The following DPY19L2 variants were observed in gnomAD, a reference collection of about 807,000 sequenced individuals.
The protein encoded by DPY19L2 is dpy-19 like 2, also known as probable C-mannosyltransferase DPY19L2.
A neutral mutation model predicts 97.9 loss-of-function variants in DPY19L2; 34 were observed. The ratio of observed to expected loss-of-function variants is 0.35; its 90% CI spans 0.26 to 0.46. DPY19L2 has a LOEUF of 0.46. DPY19L2 is among the 20% of genes least tolerant of loss of function. The pLI is 1.00. For synonymous variants in DPY19L2, 230 were observed against 307.9 expected (o/e 0.75, Z 2.65); for missense variants, 623 against 911.4 (o/e 0.68, Z 4.07).
intron 13 of DPY19L2, among the ~76,000 whole-genome samples, chr12:63,598,645 G>T (rs1454361367): frequency 6.6e-6 from 1 of 152,088 alleles, no homozygotes; most frequent in Non-Finnish European, 1.5e-5. Flanking sequence ...TATAGTGACA[G>T]AAATTATTTT....
intron 12 of DPY19L2, among the ~76,000 whole-genome samples, chr12:63,602,594 T>C (rs962226583): frequency 6.6e-6 from 1 of 152,064 alleles, no homozygotes; most frequent in Non-Finnish European, 1.5e-5. Context: ...GTAAACTAAC[T>C]CAAGGCATCT....
intron 4 of DPY19L2, among the ~76,000 whole-genome samples, chr12:63,648,240 A>G (rs1443796449): frequency 6.6e-6 from 1 of 152,190 alleles, no homozygotes; most frequent in East Asian, 1.9e-4. Flanking sequence ...CTTAGACTCC[A>G]GAATTGTGAG....
At chr12:63,603,591 A>G (rs916096303) in intron 12 of DPY19L2, among the ~76,000 whole-genome samples, 3 of 151,966 alleles carry the variant, frequency 2.0e-5, no homozygotes, top group African/African-American at 7.3e-5. Flanking sequence ...CTCACTGTTC[A>G]GCTCCCACTT....
intron 16 of DPY19L2, among the ~76,000 whole-genome samples, chr12:63,589,357 CAAAAAAAAAAAA>C (rs71086687): frequency 0.083 from 1,547 of 18,700 alleles, 11 homozygotes; most frequent in South Asian, 0.12. Flanking sequence ...AAATGTGTTG[CAAAAAAAAAAAA>C]AAAAAAAAAA....
intron 6 of DPY19L2, among the ~76,000 whole-genome samples, chr12:63,635,626 A>G (rs961405726): frequency 6.6e-6 from 1 of 152,186 alleles, no homozygotes; most frequent in Non-Finnish European, 1.5e-5. Flanking sequence ...AGGCATGAGA[A>G]CTATGTGACG....
chr12:63,617,294 A>C lies in DPY19L2; in HGVS notation c.1218+10T>G, dbSNP rs12312607. On this transcript the variant is annotated intron_variant, in intron 11 of 21. Transcript: ENST00000324472. ...TTAAAAAAAACCAACTTTATGAACT[A>C]AACACTTACCCACGTCATTAACAAA... The C allele has an allele frequency of 1.0e-4, 160 of 1,580,196 alleles. No homozygotes were observed. In the African/African-American group the frequency reaches 2.0e-3, roughly 20 times the overall value.
At chr12:63,663,619 A>G in intron 3 of DPY19L2, 139 bp downstream of exon 3, 1 of 679,726 alleles carries the variant, frequency 1.5e-6, no homozygotes, top group East Asian at 3.2e-5. Context: ...ACACTTTACT[A>G]TTTAAATAAT....
chr12:63,605,719 T>C (rs1885924303), intron 12 of DPY19L2, among the ~76,000 whole-genome samples: 1 of 152,154 alleles, frequency 6.6e-6, no homozygotes, highest in African/African-American at 2.4e-5. Flanking sequence ...GCATTATAAA[T>C]TTATAAAGAC....
intron 2 of DPY19L2, among the ~76,000 whole-genome samples, chr12:63,664,105 G>A (rs1344430782): frequency 6.6e-6 from 1 of 152,042 alleles, no homozygotes; most frequent in East Asian, 1.9e-4. Flanking sequence ...GGGAGCCCGA[G>A]GCAGGCAGAT....
chr12:63,637,977 G>A (rs964939233), intron 6 of DPY19L2, among the ~76,000 whole-genome samples: 31 of 152,032 alleles, frequency 2.0e-4, no homozygotes, highest in East Asian at 9.6e-4. Context: ...TTGGCAAACC[G>A]AATCCAGCAG....
At chr12:63,597,721 T>G in intron 14 of DPY19L2, 88 bp downstream of exon 14, 1 of 1,241,554 alleles carries the variant, frequency 8.1e-7, no homozygotes, top group East Asian at 2.4e-5. Flanking sequence ...GTTGACTGTT[T>G]CTGAGCAAAA....
intron 4 of DPY19L2, among the ~76,000 whole-genome samples, chr12:63,657,605 C>T (rs941751513): frequency 6.6e-6 from 1 of 151,920 alleles, no homozygotes; most frequent in African/African-American, 2.4e-5. Flanking sequence ...CACTGGATAC[C>T]CACCAGTGTC....
intron 9 of DPY19L2, among the ~76,000 whole-genome samples, chr12:63,620,586 C>T (rs1888530265): frequency 6.6e-6 from 1 of 152,130 alleles, no homozygotes; most frequent in Non-Finnish European, 1.5e-5. Context: ...TATATTATTT[C>T]ATAAAAATCA....
At chr12:63,563,343 C>T (rs61935043) in intron 21 of DPY19L2, among the ~76,000 whole-genome samples, 11,949 of 152,030 alleles carry the variant, frequency 0.079, 562 homozygotes, top group Middle Eastern at 0.15. Flanking sequence ...AAATCTTAGC[C>T]TAATCCAAGG....
intron 10 of DPY19L2, 31 bp from the exon 11 acceptor site, chr12:63,617,421 G>A (rs781635995): frequency 6.9e-7 from 1 of 1,455,040 alleles, no homozygotes; most frequent in Non-Finnish European, 9.5e-7. Flanking sequence ...ACATTTTATG[G>A]TTATTACATA....
Position 63,569,849 on chromosome 12 carries a change from A to T in DPY19L2, c.2001-500T>A, listed in dbSNP as rs183205556. 2.7e-3 allele frequency among the ~76,000 whole-genome samples: 405 copies of T among 152,288 alleles called. 6 individuals are homozygous for T. Among genetic ancestry groups the T allele is most frequent in the Non-Finnish European group, 2.5e-3 (173 of 68,012 alleles). ...CTTCGCAGAATCTTGAGAAATGGGG[A>T]TGGTCACCAAAATATGGTACAATAG... On this transcript the variant is annotated intron_variant, in intron 20 of 21. Coordinates refer to ENST00000324472, the MANE Select transcript of DPY19L2 (RefSeq NM_173812.5).
intron 19 of DPY19L2, among the ~76,000 whole-genome samples, chr12:63,578,856 T>A (rs1008447053): frequency 1.3e-5 from 2 of 152,032 alleles, no homozygotes; most frequent in South Asian, 4.1e-4. Context: ...TTCGATGTCA[T>A]GCTATGGGGA....
chr12:63,598,084 G>A (rs1342697391), intron 13 of DPY19L2, among the ~76,000 whole-genome samples, 174 bp from the exon 14 acceptor site: 1 of 151,764 alleles, frequency 6.6e-6, no homozygotes, highest in Admixed American at 6.6e-5. Flanking sequence ...ACCATGTGCT[G>A]ACTTCTCAAG....
At position 63,611,071 on chromosome 12, in the gene DPY19L2, C is replaced by A. The variant is rs567501013; in HGVS notation, c.1219-2396G>T. Among the ~76,000 whole-genome samples the A allele has an allele frequency of 9.9e-5, 15 of 151,770 alleles. No individual in the cohort carries two copies. In the East Asian group the frequency reaches 2.7e-3, roughly 27 times the overall value. ...GATGGCCATTATAAAACAAAACAAA[C>A]CAAAACTAAACCAGAAGTAACAAGT... On this transcript the variant is annotated intron_variant, in intron 11 of 21. Transcript: ENST00000324472.
Sources: allele counts gnomAD v4.1 joint callset (sites outside exome capture counted in the v4.1 genomes callset), GRCh38; gene constraint gnomAD v4.1.1; transcripts MANE v1.5; gene names NCBI Gene and HGNC (gene_info 2026-07-23, HGNC 2026-07-21).